Variants in GALNTL6 observed in about 807,000 individuals in gnomAD.
GALNTL6 encodes polypeptide N-acetylgalactosaminyltransferase like 6, also known as polypeptide N-acetylgalactosaminyltransferase-like 6.
A neutral mutation model predicts 73.7 loss-of-function variants in GALNTL6; 46 were observed. The observed-to-expected ratio is 0.62, with a 90% CI of 0.49 to 0.80. GALNTL6 has a LOEUF of 0.80. Ranked by LOEUF, GALNTL6 falls within the 30% of genes least tolerant of loss-of-function variation. The pLI is 0.00. For missense variants in GALNTL6, 604 were observed against 755.0 expected, an observed-to-expected ratio of 0.80 and a Z score of 2.34; for synonymous variants, 259 against 263.7, an observed-to-expected ratio of 0.98 and a Z score of 0.17.
intron 3 of GALNTL6, among the ~76,000 whole-genome samples, chr4:172,237,600 G>A (rs182018528): frequency 2.6e-4 from 39 of 151,956 alleles, no homozygotes; most frequent in Middle Eastern, 3.4e-3. Flanking sequence ...TGATTCAGTC[G>A]CATTTGTCAA....
chr4:172,135,328 C>G (rs913071473), intron 2 of GALNTL6, among the ~76,000 whole-genome samples: 1 of 151,992 alleles, frequency 6.6e-6, no homozygotes, highest in Admixed American at 6.6e-5. Flanking sequence ...ATCCCCAGCC[C>G]TGGATGCTGT....
chr4:172,821,501 A>G (rs1698842135), intron 7 of GALNTL6, among the ~76,000 whole-genome samples: 1 of 152,188 alleles, frequency 6.6e-6, no homozygotes, highest in Admixed American at 6.5e-5. Context: ...AAGGAAACAG[A>G]TTGCCTTGCT....
intron 10 of GALNTL6, among the ~76,000 whole-genome samples, chr4:172,958,668 C>T (rs895885687): frequency 3.9e-5 from 6 of 151,996 alleles, no homozygotes; most frequent in South Asian, 2.1e-4. Flanking sequence ...AGAATTATGT[C>T]GAGATAGGTA....
intron 2 of GALNTL6, among the ~76,000 whole-genome samples, chr4:172,117,968 C>A (rs1209938021): frequency 6.6e-6 from 1 of 152,072 alleles, no homozygotes; most frequent in Non-Finnish European, 1.5e-5. Flanking sequence ...GAAAAAAATT[C>A]TTCTATGACA....
intron 5 of GALNTL6, among the ~76,000 whole-genome samples, chr4:172,761,404 G>A (rs1222955687): frequency 6.6e-6 from 1 of 152,134 alleles, no homozygotes; most frequent in African/African-American, 2.4e-5. Flanking sequence ...GAAAACTATA[G>A]ATTGAGTATG....
At chr4:172,768,889 C>T (rs912021281) in intron 5 of GALNTL6, among the ~76,000 whole-genome samples, 1 of 151,954 alleles carries the variant, frequency 6.6e-6, no homozygotes, top group Non-Finnish European at 1.5e-5. Context: ...TTTCTGTTCT[C>T]CTGTGACCAC....
chr4:172,450,594 AG>A (rs1732175189), intron 5 of GALNTL6, among the ~76,000 whole-genome samples: 1 of 152,230 alleles, frequency 6.6e-6, no homozygotes, highest in African/African-American at 2.4e-5. Flanking sequence ...AATGGCTTTC[AG>A]TTGTAATCAG....
At chr4:171,969,294 T>C (rs1739490684) in intron 2 of GALNTL6, among the ~76,000 whole-genome samples, 1 of 152,166 alleles carries the variant, frequency 6.6e-6, no homozygotes, top group African/African-American at 2.4e-5. Flanking sequence ...AGAGTGTGTA[T>C]CCCACAGCCA....
intron 2 of GALNTL6, among the ~76,000 whole-genome samples, chr4:172,206,808 T>TGTTG (rs200247012): frequency 0.02 from 756 of 37,060 alleles, 44 homozygotes; most frequent in African/African-American, 0.048. Context: ...TTTTTCTGTT[T>TGTTG]TTTTTGTTTG....
At chr4:172,888,700 G>A (rs879345590) in intron 8 of GALNTL6, among the ~76,000 whole-genome samples, 16 of 152,118 alleles carry the variant, frequency 1.1e-4, no homozygotes, top group Admixed American at 2.6e-4. Flanking sequence ...TGGTACCTCC[G>A]GCTCTGTTCT....
intron 5 of GALNTL6, among the ~76,000 whole-genome samples, chr4:172,723,922 A>G (rs1735645717): frequency 1.3e-5 from 2 of 152,178 alleles, no homozygotes; most frequent in Non-Finnish European, 1.5e-5. Context: ...GATATGATAT[A>G]TCAGTGAACA....
chr4:172,728,986 T>C (rs1202879378), intron 5 of GALNTL6, among the ~76,000 whole-genome samples: 1 of 152,346 alleles, frequency 6.6e-6, no homozygotes, highest in East Asian at 1.9e-4. Context: ...ATGAGCATTT[T>C]TTCATACACC....
intron 2 of GALNTL6, among the ~76,000 whole-genome samples, chr4:172,072,927 A>G (rs1377037700): frequency 6.6e-6 from 1 of 152,186 alleles, no homozygotes; most frequent in East Asian, 1.9e-4. Flanking sequence ...CCCATTTCAC[A>G]TGATAAATCA....
intron 7 of GALNTL6, among the ~76,000 whole-genome samples, chr4:172,852,708 C>T (rs1000633323): frequency 1.3e-5 from 2 of 151,944 alleles, no homozygotes; most frequent in Non-Finnish European, 2.9e-5. Flanking sequence ...ATACATAGGA[C>T]TATTATAAAT....
chr4:172,111,320 A>G lies in GALNTL6; in HGVS notation c.139-118336A>G, dbSNP rs552024710. ...GATGGAGAGGAATGATGCAAATAGC[A>G]TCTATGTTCATGTCAATACTACATG... is the stretch of plus-strand genomic sequence containing the variant. On this transcript the variant is annotated intron_variant, in intron 2 of 12. Transcript: ENST00000506823. 2.4e-4 allele frequency among the ~76,000 whole-genome samples: 36 copies of G among 152,268 alleles called. 1 individual carries two copies. The South Asian group carries it at 7.5e-3, about 32-fold the overall frequency.
intron 2 of GALNTL6, among the ~76,000 whole-genome samples, chr4:172,178,744 C>T (rs1445014740): frequency 1.0e-4 from 13 of 130,392 alleles, no homozygotes; most frequent in African/African-American, 2.4e-4. Context: ...CATGCTGGTG[C>T]GCTGCACCCA....
At position 172,692,798 on chromosome 4, in the gene GALNTL6, A is replaced by G. The variant is rs578170670; in HGVS notation, c.554-116563A>G. Reference sequence around the variant, plus strand: ...CCTGTGGTGGAAGTTAGGATTGTCTATAACACAACCCTAAAATTTTATAAG... The same window carrying G: ...CCTGTGGTGGAAGTTAGGATTGTCTGTAACACAACCCTAAAATTTTATAAG... On this transcript the variant is annotated intron_variant, in intron 5 of 12. Coordinates refer to ENST00000506823, the MANE Select transcript of GALNTL6 (RefSeq NM_001034845.3). 2.6e-5 allele frequency among the ~76,000 whole-genome samples: 4 copies of G among 152,316 alleles called. No homozygotes were observed. The South Asian group carries it at 6.2e-4, about 24-fold the overall frequency.
chr4:172,399,872 A>T (rs1743978348), intron 5 of GALNTL6, among the ~76,000 whole-genome samples: 1 of 152,104 alleles, frequency 6.6e-6, no homozygotes, highest in African/African-American at 2.4e-5. Flanking sequence ...ATTTGTTAAG[A>T]TAGTTTTATT....
chr4:171,911,135 A>G (rs536484898), intron 2 of GALNTL6, among the ~76,000 whole-genome samples: 94 of 152,206 alleles, frequency 6.2e-4, no homozygotes, highest in African/African-American at 2.2e-3. Context: ...ACAATATATC[A>G]CACCACCTGT....
Sources: allele counts gnomAD v4.1 joint callset (sites outside exome capture counted in the v4.1 genomes callset), GRCh38; gene constraint gnomAD v4.1.1; transcripts MANE v1.5; gene names NCBI Gene and HGNC (gene_info 2026-07-23, HGNC 2026-07-21).